The following SCAMP2 variants were observed in gnomAD, a reference collection of about 807,000 sequenced individuals.
SCAMP2 encodes secretory carrier membrane protein 2.
A neutral mutation model predicts 44.1 loss-of-function variants in SCAMP2; 25 were observed. That is an observed-to-expected ratio of 0.57 (90% CI 0.41 to 0.79). The LOEUF is 0.79. Ranked by LOEUF, SCAMP2 falls within the 30% of genes least tolerant of loss-of-function variation. The pLI, the probability that SCAMP2 is intolerant of heterozygous loss-of-function variation, is 0.00. For synonymous variants in SCAMP2, 156 were observed against 166.0 expected (o/e 0.94, Z 0.46); for missense variants, 355 against 411.0 (o/e 0.86, Z 1.18).
chr15:74,867,588 A>G (rs1794237319), intron 1 of SCAMP2, among the ~76,000 whole-genome samples: 2 of 152,180 alleles, frequency 1.3e-5, no homozygotes, highest in Admixed American at 1.3e-4. Flanking sequence ...AAGAATTCCC[A>G]AAGTTATGGT....
chr15:74,863,505 C>G (rs192427696), intron 1 of SCAMP2, among the ~76,000 whole-genome samples: 7 of 149,916 alleles, frequency 4.7e-5, no homozygotes, highest in Admixed American at 4.6e-4. Context: ...AGACAGACCC[C>G]ATCTCCAAAA....
chr15:74,863,346 CAAA>C (rs150913695), intron 1 of SCAMP2, among the ~76,000 whole-genome samples: 1 of 129,966 alleles, frequency 7.7e-6, no homozygotes, highest in African/African-American at 2.9e-5. Flanking sequence ...GACTCCGTCT[CAAA>C]AAAAAAAAAA....
Position 74,844,877 on chromosome 15 carries a change from T to C in SCAMP2, c.*206A>G. The C allele has an allele frequency of 1.6e-5, 9 of 546,736 alleles. No homozygotes were observed. In the South Asian group the frequency reaches 2.1e-4, roughly 13 times the overall value. The allele number at this position is 546,736 out of a possible 1,614,324, so 33.9% of individuals were successfully genotyped here. A position where few individuals can be genotyped will look rare whatever the true frequency, so the allele number is the denominator to read the frequency against. On this transcript the variant is annotated 3_prime_UTR_variant, in exon 9 of 9. Transcript: ENST00000268099. Reference sequence around the variant, plus strand: ...CATCACCAGAGAAGGAAAGAGAGCTTTGTTTTTTTTTGTACATAGAGGGGG... The same window carrying C: ...CATCACCAGAGAAGGAAAGAGAGCTCTGTTTTTTTTTGTACATAGAGGGGG...
chr15:74,850,597 G>A lies in SCAMP2; in HGVS notation c.549C>T (p.Asp183=). The A allele has an allele frequency of 6.2e-7, 1 of 1,614,154 alleles. No homozygotes were observed. The highest frequency in any genetic ancestry group is 8.5e-7 in the Non-Finnish European group (1 of 1,180,012). ...WFSGNSSKGV[D]FGLSILWFLI... ...GAAACCACAGGATGGAGAGGCCAAAGTCCACTCCCTTGGAGCTGTTGCCCG... is the reference window on the plus strand; with the variant it reads ...GAAACCACAGGATGGAGAGGCCAAAATCCACTCCCTTGGAGCTGTTGCCCG... The change falls in exon 6 of 9, where the codon GAC becomes GAT. Residue 183 remains aspartate, a synonymous_variant. Coordinates refer to ENST00000268099, the MANE Select transcript of SCAMP2 (RefSeq NM_005697.5).
Position 74,854,093 on chromosome 15 carries a change from G to C in SCAMP2, c.153C>G (p.Val51=). 1 of 1,614,176 alleles carries C rather than the reference G, an allele frequency of 6.2e-7. No homozygotes were observed. The highest frequency in any genetic ancestry group is 1.3e-5 in the African/African-American group (1 of 75,062). The change falls in exon 3 of 9, where the codon GTC becomes GTG. Residue 51 remains valine, a synonymous_variant. Coordinates refer to ENST00000268099, the MANE Select transcript of SCAMP2 (RefSeq NM_005697.5). ...SETNAATTVP[V]TQLPGSSQPA... is the part of the protein sequence containing the mutation. ...GCTGTGAGGACCCAGGGAGTTGGGT[G>C]ACAGGAACTGTTGTCGCTGCATTTG...
intron 3 of SCAMP2, chr15:74,853,690 C>G: frequency 2.3e-6 from 1 of 432,296 alleles, no homozygotes. Flanking sequence ...ATTCTGGGCC[C>G]CAAGGAAGAG....
chr15:74,870,142 T>C (rs952282658), intron 1 of SCAMP2, among the ~76,000 whole-genome samples: 12 of 152,200 alleles, frequency 7.9e-5, no homozygotes, highest in African/African-American at 2.9e-4. Flanking sequence ...CCACCAGATG[T>C]GGCTGGTTGA....
intron 5 of SCAMP2, 31 bp downstream of exon 5, chr15:74,851,322 C>T (rs757339613): frequency 2.5e-6 from 4 of 1,609,116 alleles, no homozygotes; most frequent in Non-Finnish European, 3.4e-6. Flanking sequence ...CCAATTCGCC[C>T]TTGCGCTTGG....
intron 1 of SCAMP2, 81 bp downstream of exon 1, chr15:74,873,118 C>T (rs1029761457): frequency 3.2e-6 from 4 of 1,251,464 alleles, no homozygotes; most frequent in Non-Finnish European, 4.2e-6. Context: ...CGCCACGTCT[C>T]CCGGCTCTAG....
intron 1 of SCAMP2, 116 bp downstream of exon 1, chr15:74,873,083 T>C (rs1374115797): frequency 5.6e-6 from 5 of 891,906 alleles, no homozygotes; most frequent in African/African-American, 3.6e-5. Flanking sequence ...CGCTCTCCCA[T>C]TGGGCAGATG....
rs113637464 is a variant in SCAMP2, at chr15:74,845,507, A to G, written c.821T>C (p.Leu274Pro). Residue 274 changes from leucine (L) to proline (P), a missense_variant, in exon 8 of 9, where the codon CTC (leucine) becomes CCC (proline). Physicochemically the swap from Leu to Pro is moderately conservative, Grantham distance 98. Transcript: ENST00000268099. ...GAGGAAGACTGAGAGCACGGCACAG[A>G]GGGTGAAGAAGCCAGCCACCACCAT... ...IMMVVAGFFT[L>P]CAVLSVFLLQ... 1 of 1,614,152 alleles carries G rather than the reference A, an allele frequency of 6.2e-7. No individual in the cohort carries two copies. Among genetic ancestry groups the G allele is most frequent in the South Asian group, 1.1e-5 (1 of 91,088 alleles).
At position 74,873,361 on chromosome 15, in the gene SCAMP2, G is replaced by A. The variant is rs2064591376; in HGVS notation, c.-106C>T. On this transcript the variant is annotated 5_prime_UTR_variant, in exon 1 of 9. Transcript: ENST00000268099. ...CTCCACTTCCGGGAGCGAGGCAGCG[G>A]TTCTGGCGCAGGCGCGATGCCCTCC... 9.7e-7 allele frequency: 1 copy of A among 1,032,092 alleles called. No homozygotes were observed. Among genetic ancestry groups the A allele is most frequent in the Non-Finnish European group, 1.3e-6 (1 of 764,414 alleles). The allele number at this position is 1,032,092 out of a possible 1,614,324, so 63.9% of individuals were successfully genotyped here. A position where few individuals can be genotyped will look rare whatever the true frequency, so the allele number is the denominator to read the frequency against.
In SCAMP2 at chr15:74,852,105, C is replaced by G; in HGVS notation, c.307G>C (p.Glu103Gln). The G allele has an allele frequency of 6.3e-7, 1 of 1,593,796 alleles. No individual in the cohort carries two copies. The highest frequency in any genetic ancestry group is 8.5e-7 in the Non-Finnish European group (1 of 1,170,182). Reference protein sequence around the residue: ...DRKAAELERKERELQNTVANL... With the variant: ...DRKAAELERKQRELQNTVANL... Reference sequence around the variant, plus strand: ...GCTACAGTGTTCTGCAGCTCCCGCTCCTTGCGTTCCAGCTCGGCAGCTTTC... The same window carrying G: ...GCTACAGTGTTCTGCAGCTCCCGCTGCTTGCGTTCCAGCTCGGCAGCTTTC... Residue 103 changes from glutamate to glutamine, a missense_variant, in exon 4 of 9, where the codon GAG (glutamate) becomes CAG (glutamine). By Grantham distance (29) the Glu-to-Gln change is conservative. Transcript: ENST00000268099.
chr15:74,873,361 G>C lies in SCAMP2; in HGVS notation c.-106C>G. On this transcript the variant is annotated 5_prime_UTR_variant, in exon 1 of 9. Transcript: ENST00000268099. ...CTCCACTTCCGGGAGCGAGGCAGCG[G>C]TTCTGGCGCAGGCGCGATGCCCTCC... 9.7e-7 allele frequency: 1 copy of C among 1,032,092 alleles called. No individual in the cohort carries two copies. The allele number at this position is 1,032,092 out of a possible 1,614,324, so 63.9% of individuals were successfully genotyped here.
At chr15:74,846,950 T>G (rs547431380) in intron 7 of SCAMP2, among the ~76,000 whole-genome samples, 1 of 152,086 alleles carries the variant, frequency 6.6e-6, no homozygotes, top group South Asian at 2.1e-4. Context: ...CTCATATTTC[T>G]TGACATCAAA....
intron 3 of SCAMP2, chr15:74,853,749 A>G (rs900507331): frequency 2.7e-5 from 14 of 527,190 alleles, no homozygotes; most frequent in African/African-American, 2.5e-4. Context: ...CAACAGGGAC[A>G]AATGCCCTCT....
chr15:74,872,392 G>A (rs1223092728), intron 1 of SCAMP2, among the ~76,000 whole-genome samples: 2 of 148,778 alleles, frequency 1.3e-5, no homozygotes, highest in Non-Finnish European at 3.0e-5. Flanking sequence ...CAGCCTGGGC[G>A]ACAAAGCGAG....
intron 1 of SCAMP2, among the ~76,000 whole-genome samples, chr15:74,869,326 T>C (rs1205339268): frequency 1.3e-5 from 2 of 151,528 alleles, no homozygotes; most frequent in South Asian, 2.1e-4. Context: ...AAACCAATAA[T>C]AAAAAATAAA....
At chr15:74,850,446 T>C in intron 6 of SCAMP2, 68 bp downstream of exon 6, 1 of 1,420,572 alleles carries the variant, frequency 7.0e-7, no homozygotes, top group South Asian at 1.2e-5. Flanking sequence ...TCCCAGGGCC[T>C]ATAGCCCTTA....
Sources: allele counts gnomAD v4.1 joint callset (sites outside exome capture counted in the v4.1 genomes callset), GRCh38; gene constraint gnomAD v4.1.1; transcripts MANE v1.5; gene names NCBI Gene and HGNC (gene_info 2026-07-23, HGNC 2026-07-21).